Variants in BTBD2 observed in about 807,000 individuals in gnomAD.
The protein encoded by BTBD2 is BTB/POZ domain-containing protein 2.
Under a neutral mutation model 44.0 loss-of-function variants are expected in BTBD2, and 15 were observed. The observed-to-expected ratio is 0.34, with a 90% CI of 0.23 to 0.53. BTBD2 has a LOEUF of 0.53. Among genes scored for constraint, BTBD2 ranks in the 20% least tolerant of loss-of-function variants. The pLI, the probability that BTBD2 is intolerant of heterozygous loss-of-function variation, is 0.95. For synonymous variants in BTBD2, 443 were observed against 335.9 expected (o/e 1.32, Z -3.49); for missense variants, 657 against 746.4 (o/e 0.88, Z 1.39).
At chr19:2,005,940 C>T (rs919351435) in intron 1 of BTBD2, among the ~76,000 whole-genome samples, 3 of 151,766 alleles carry the variant, frequency 2.0e-5, no homozygotes, top group African/African-American at 7.3e-5. Context: ...AGAAAAAAAT[C>T]AGCCGAGCAT....
intron 2 of BTBD2, 59 bp from the exon 3 acceptor site, chr19:1,993,235 A>T: frequency 6.5e-7 from 1 of 1,547,126 alleles, no homozygotes. Context: ...CCCAGGGGAG[A>T]GCGTCAGGGG....
chr19:1,992,824 G>A lies in BTBD2; in HGVS notation c.684+196C>T, dbSNP rs554821144. On this transcript the variant is annotated intron_variant, in intron 3 of 8. Coordinates refer to ENST00000255608, the MANE Select transcript of BTBD2 (RefSeq NM_017797.4). ...TGAGCTCAGGTGATCTGCCCGCCTC[G>A]GCCTCCCAAAGTGCCGGGATTACAG... is the stretch of plus-strand genomic sequence containing the variant. Among the ~76,000 whole-genome samples, 50 of 152,166 alleles carry A rather than the reference G, an allele frequency of 3.3e-4. 2 individuals carry two copies. Among genetic ancestry groups the A allele is most frequent in the African/African-American group, 1.2e-3 (49 of 41,534 alleles).
At chr19:1,992,115 C>G (rs1277968684) in intron 3 of BTBD2, 1 of 147,138 alleles carries the variant, frequency 6.8e-6, no homozygotes, top group African/African-American at 2.4e-5. Flanking sequence ...TTTTTAGAGA[C>G]AGGGTCTCAC....
intron 1 of BTBD2, among the ~76,000 whole-genome samples, chr19:2,012,447 G>T (rs1009499398): frequency 1.3e-5 from 2 of 152,228 alleles, no homozygotes; most frequent in African/African-American, 2.4e-5. Context: ...CCCGCACCCG[G>T]CCCCTTAGAC....
intron 2 of BTBD2, 112 bp from the exon 3 acceptor site, chr19:1,993,288 C>G (rs1408133058): frequency 3.5e-6 from 5 of 1,413,380 alleles, no homozygotes; most frequent in African/African-American, 1.4e-5. Context: ...CTTGAGCTGG[C>G]AGGACCCAAA....
At position 2,006,615 on chromosome 19, in the gene BTBD2, A is replaced by G. The variant is rs192670459; in HGVS notation, c.407+8682T>C. On this transcript the variant is annotated intron_variant, in intron 1 of 8. Transcript: ENST00000255608. Reference sequence around the variant, plus strand: ...TGACAAACTGATTCTCAAGATCATCAGGCACCGTTAGCCCAGGGCTGGCAA... The same window carrying G: ...TGACAAACTGATTCTCAAGATCATCGGGCACCGTTAGCCCAGGGCTGGCAA... Among the ~76,000 whole-genome samples, 844 of 152,186 alleles carry G rather than the reference A, an allele frequency of 5.5e-3. 22 individuals carry two copies. The highest frequency in any genetic ancestry group is 0.051 in the Admixed American group (775 of 15,268).
chr19:1,997,052 A>C (rs1017516223), intron 2 of BTBD2, among the ~76,000 whole-genome samples: 6 of 151,634 alleles, frequency 4.0e-5, no homozygotes, highest in African/African-American at 1.5e-4. Context: ...TGGTGGCACG[A>C]GCCTGTAGTC....
chr19:1,987,786 G>A (rs1027614068), intron 5 of BTBD2, 94 bp from the exon 6 acceptor site: 27 of 1,303,168 alleles, frequency 2.1e-5, no homozygotes, highest in African/African-American at 3.0e-5. Context: ...AGATGTCTGC[G>A]TCGGACTTTC....
chr19:1,990,424 G>A lies in BTBD2; in HGVS notation c.791-223C>T, dbSNP rs1433661392. 6 of 622,438 alleles carry A rather than the reference G, an allele frequency of 9.6e-6. No individual in the cohort carries two copies. In the Admixed American group the frequency reaches 1.8e-4, roughly 18 times the overall value. The allele number at this position is 622,438 out of a possible 1,614,324, so 38.6% of individuals were successfully genotyped here. A position where few individuals can be genotyped will look rare whatever the true frequency, so the allele number is the denominator to read the frequency against. On this transcript the variant is annotated intron_variant, in intron 4 of 8. Coordinates refer to ENST00000255608, the MANE Select transcript of BTBD2 (RefSeq NM_017797.4). ...TGGTTGTTTTTAAGCCACAAGGACA[G>A]ACTTGAGTAGCTTTGACAAAAGCTG...
At chr19:1,990,484 G>A in intron 4 of BTBD2, 1 of 608,984 alleles carries the variant, frequency 1.6e-6, no homozygotes, top group South Asian at 2.0e-5. Flanking sequence ...GACCATCGGA[G>A]GACGAGATGG....
chr19:1,986,741 G>C, intron 8 of BTBD2, 89 bp downstream of exon 8: 1 of 1,574,898 alleles, frequency 6.3e-7, no homozygotes, highest in East Asian at 2.3e-5. Context: ...GGCCAGGGTG[G>C]CTGCCTCTGG....
intron 1 of BTBD2, among the ~76,000 whole-genome samples, chr19:2,005,056 G>A (rs575439356): frequency 5.3e-5 from 8 of 151,938 alleles, no homozygotes; most frequent in South Asian, 2.1e-4. Context: ...TCCTGACCTC[G>A]TGATCTGCCT....
At chr19:1,996,434 T>C (rs1050945595) in intron 2 of BTBD2, among the ~76,000 whole-genome samples, 1 of 151,894 alleles carries the variant, frequency 6.6e-6, no homozygotes, top group African/African-American at 2.4e-5. Flanking sequence ...ATGGGATGTG[T>C]TTCCATTTAT....
At chr19:2,005,797 A>T (rs1394200478) in intron 1 of BTBD2, among the ~76,000 whole-genome samples, 1 of 151,638 alleles carries the variant, frequency 6.6e-6, no homozygotes, top group African/African-American at 2.4e-5. Context: ...AAAAAAAAAA[A>T]ATTATTTTTT....
Position 2,015,283 on chromosome 19 carries a change from G to C in BTBD2, c.407+14C>G. 6.5e-7 allele frequency: 1 copy of C among 1,540,580 alleles called. No homozygotes were observed. Among genetic ancestry groups the C allele is most frequent in the Non-Finnish European group, 8.7e-7 (1 of 1,149,654 alleles). ...GTGGGTCGGGGCCAGGGCTGGCGGG[G>C]TCGGGGCGCCCACCTGTGCGCGGGG... On this transcript the variant is annotated intron_variant, in intron 1 of 8. Transcript: ENST00000255608.
At position 2,015,530 on chromosome 19, in the gene BTBD2, C is replaced by T. The variant is rs1265145534; in HGVS notation, c.174G>A (p.Thr58=). 6.3e-6 allele frequency: 6 copies of T among 954,914 alleles called. No homozygotes were observed. The highest frequency in any genetic ancestry group is 7.3e-6 in the Non-Finnish European group (6 of 820,174). 59.2% of individuals were successfully genotyped at this position (954,914 alleles called of 1,614,324 possible). A position where few individuals can be genotyped will look rare whatever the true frequency, so the allele number is the denominator to read the frequency against. ...TCCCGGGGCCCGGCGGGGCGGGCGG[C>T]GTCGGCCCAGGGGCGGCGGCGGCGG... ...AAAAAAAPGP[T]PPAPPGPGTD... is the part of the protein sequence containing the mutation. The change falls in exon 1 of 9, where the codon ACG becomes ACA. Residue 58 remains threonine (T), a synonymous_variant. Transcript: ENST00000255608.
At chr19:2,010,898 G>T (rs953915122) in intron 1 of BTBD2, among the ~76,000 whole-genome samples, 1 of 152,076 alleles carries the variant, frequency 6.6e-6, no homozygotes, top group Non-Finnish European at 1.5e-5. Flanking sequence ...TCGGCCTCCC[G>T]AAGTGCTGGG....
chr19:2,006,489 A>C (rs1165528297), intron 1 of BTBD2, among the ~76,000 whole-genome samples: 1 of 149,290 alleles, frequency 6.7e-6, no homozygotes, highest in East Asian at 2.0e-4. Context: ...CCTGGGCGAC[A>C]GAGCGAGACT....
chr19:1,997,738 T>C (rs2016270413), intron 1 of BTBD2, among the ~76,000 whole-genome samples: 3 of 152,216 alleles, frequency 2.0e-5, no homozygotes. Flanking sequence ...ATCCTCTCTC[T>C]TTCCTTCCAG....
Sources: gnomAD v4.1 joint callset for allele counts (sites outside exome capture counted in the v4.1 genomes callset) on GRCh38, gnomAD v4.1.1 for gene constraint, MANE v1.5 for transcripts, NCBI Gene and HGNC (gene_info 2026-07-23, HGNC 2026-07-21) for gene names.